Variants in GNA12 observed in about 807,000 individuals in gnomAD.
GNA12 encodes guanine nucleotide-binding protein subunit alpha-12.
A neutral mutation model predicts 26.0 loss-of-function variants in GNA12; 9 were observed. That is an observed-to-expected ratio of 0.35 (90% CI 0.21 to 0.60). The LOEUF (loss-of-function observed/expected upper bound fraction) is 0.60, where lower values mean the gene tolerates loss of function less well. Ranked by LOEUF, GNA12 falls within the 20% of genes least tolerant of loss-of-function variation. The pLI is 0.78. For missense variants in GNA12, 405 were observed against 525.8 expected (o/e 0.77, Z 2.25); for synonymous variants, 264 against 219.6 (o/e 1.20, Z -1.79).
intron 2 of GNA12, among the ~76,000 whole-genome samples, chr7:2,787,547 C>T (rs1356458623): frequency 6.6e-6 from 1 of 152,180 alleles, no homozygotes; most frequent in Non-Finnish European, 1.5e-5. Flanking sequence ...TCCCTTCCCC[C>T]AGGCACCCAC....
In GNA12 at chr7:2,794,473, G is replaced by A. The variant is rs1170264235; in HGVS notation, c.525+455C>T. 2.0e-5 allele frequency among the ~76,000 whole-genome samples: 3 copies of A among 152,230 alleles called. No homozygotes were observed. The East Asian group carries it at 5.8e-4, about 29-fold the overall frequency. The stretch of plus-strand genomic sequence containing the variant: ...ATAACTGGGCTTTGTGAAGTTTTTA[G>A]ACCTTAAAACGAAAGGAACAAATCT... On this transcript the variant is annotated intron_variant, in intron 2 of 3. Coordinates refer to ENST00000275364, the MANE Select transcript of GNA12 (RefSeq NM_007353.3).
intron 2 of GNA12, among the ~76,000 whole-genome samples, chr7:2,786,266 C>T (rs942502014): frequency 1.5e-4 from 23 of 152,190 alleles, no homozygotes; most frequent in African/African-American, 5.3e-4. Flanking sequence ...GTGACACACA[C>T]AAGGACTATC....
At chr7:2,787,785 C>G (rs1023167624) in intron 2 of GNA12, among the ~76,000 whole-genome samples, 17 of 152,206 alleles carry the variant, frequency 1.1e-4, no homozygotes, top group Admixed American at 6.5e-5. Context: ...CACGGCTATG[C>G]TAAACCACAA....
rs1482227569 is a variant in GNA12 at position 2,728,521 on chromosome 7, G to C, written c.*2660C>G. 6.6e-6 allele frequency: 1 copy of C among 152,294 alleles called. No homozygotes were observed. The allele number at this position is 152,294 out of a possible 1,614,324, so 9.4% of individuals were successfully genotyped here. On this transcript the variant is annotated 3_prime_UTR_variant, in exon 4 of 4. Coordinates refer to ENST00000275364, the MANE Select transcript of GNA12 (RefSeq NM_007353.3). ...TAGATTTCAGTAAAACCCTATATGC[G>C]TCTTATGTGTACACAGTATAGCTAT... is the stretch of plus-strand genomic sequence containing the variant.
At position 2,844,087 on chromosome 7, in the gene GNA12, C is replaced by T. The variant is rs1779094440; in HGVS notation, c.75G>A (p.Ala25=). 8.7e-6 allele frequency: 9 copies of T among 1,031,346 alleles called. No individual in the cohort carries two copies. Among genetic ancestry groups the T allele is most frequent in the Non-Finnish European group, 1.0e-5 (9 of 862,380 alleles). The allele number at this position is 1,031,346 out of a possible 1,614,324, so 63.9% of individuals were successfully genotyped here. A position where few individuals can be genotyped will look rare whatever the true frequency, so the allele number is the denominator to read the frequency against. ...GCTCCGCGTCGCGCGCGCCGCTGCC[C>T]GCCCTGCGCTCGCGGGCCCCGCCGG... ...AEAGGARERR[A]GSGARDAERE... Residue 25 remains alanine (A), a synonymous_variant, in exon 1 of 4, where the codon GCG becomes GCA. Transcript: ENST00000275364.
intron 2 of GNA12, among the ~76,000 whole-genome samples, chr7:2,751,287 G>C (rs552308411): frequency 3.3e-5 from 5 of 151,880 alleles, no homozygotes; most frequent in African/African-American, 1.2e-4. Flanking sequence ...TCAGCAGGGG[G>C]AGCTGAGGTG....
At chr7:2,761,402 G>C (rs1791548462) in intron 2 of GNA12, among the ~76,000 whole-genome samples, 1 of 152,226 alleles carries the variant, frequency 6.6e-6, no homozygotes, top group African/African-American at 2.4e-5. Flanking sequence ...GTGCCACACA[G>C]ACTCCCAAGG....
At chr7:2,833,013 C>A (rs904942067) in intron 1 of GNA12, among the ~76,000 whole-genome samples, 5 of 152,230 alleles carry the variant, frequency 3.3e-5, no homozygotes, top group Non-Finnish European at 7.3e-5. Context: ...CCTGGACACA[C>A]CTGAGCATTT....
intron 2 of GNA12, among the ~76,000 whole-genome samples, chr7:2,769,566 T>TA (rs773490852): frequency 2.3e-4 from 35 of 151,612 alleles, no homozygotes; most frequent in African/African-American, 7.7e-4. Context: ...CCGTCTCTAT[T>TA]AAAAAAAATA....
chr7:2,772,168 T>C (rs896960228), intron 2 of GNA12, among the ~76,000 whole-genome samples: 2 of 152,232 alleles, frequency 1.3e-5, no homozygotes, highest in African/African-American at 4.8e-5. Flanking sequence ...AGGACTCATA[T>C]CGAGAATTCC....
chr7:2,843,418 G>A (rs564752018), intron 1 of GNA12, among the ~76,000 whole-genome samples: 5 of 152,212 alleles, frequency 3.3e-5, no homozygotes, highest in Admixed American at 3.3e-4. Flanking sequence ...ACCAAGGCAG[G>A]AGGATCACTT....
intron 1 of GNA12, among the ~76,000 whole-genome samples, chr7:2,827,242 T>C (rs1340992120): frequency 1.3e-5 from 2 of 151,944 alleles, no homozygotes; most frequent in East Asian, 3.9e-4. Flanking sequence ...AAGGAGGGAA[T>C]GGGGAGTCAC....
intron 1 of GNA12, among the ~76,000 whole-genome samples, chr7:2,823,530 T>C (rs1170873675): frequency 6.6e-6 from 1 of 152,140 alleles, no homozygotes; most frequent in Non-Finnish European, 1.5e-5. Context: ...CCTCTGCAGA[T>C]TTAGAAAAAT....
intron 2 of GNA12, among the ~76,000 whole-genome samples, chr7:2,780,069 T>C (rs1338363733): frequency 7.8e-6 from 1 of 127,512 alleles, no homozygotes; most frequent in Non-Finnish European, 1.7e-5. Flanking sequence ...TATATATATA[T>C]ATATATATAT....
chr7:2,787,182 T>C (rs1056241092), intron 2 of GNA12, among the ~76,000 whole-genome samples: 3 of 152,080 alleles, frequency 2.0e-5, no homozygotes, highest in African/African-American at 7.2e-5. Flanking sequence ...ATAGGCGAGG[T>C]GGCCTGTGAA....
chr7:2,833,738 A>G (rs1778748291), intron 1 of GNA12, among the ~76,000 whole-genome samples: 1 of 140,476 alleles, frequency 7.1e-6, no homozygotes, highest in Admixed American at 7.3e-5. Context: ...TAAAAACCAA[A>G]CTGTGCTTCC....
At chr7:2,830,602 G>A (rs747949655) in intron 1 of GNA12, among the ~76,000 whole-genome samples, 1 of 152,172 alleles carries the variant, frequency 6.6e-6, no homozygotes, top group African/African-American at 2.4e-5. Context: ...CTCCTTCCCC[G>A]AGCAAAGGGG....
intron 3 of GNA12, among the ~76,000 whole-genome samples, chr7:2,732,479 G>C (rs1350846901): frequency 6.6e-6 from 1 of 152,198 alleles, no homozygotes; most frequent in Non-Finnish European, 1.5e-5. Flanking sequence ...CTAGGAGGTT[G>C]AGGCTACAAT....
At position 2,843,764 on chromosome 7, in the gene GNA12, C is replaced by T. The variant is rs947442809; in HGVS notation, c.309+89G>A. ...GCATCCTCGCCCCAGGGGTCCCCGC[C>T]CGCGGCGGCGGACCACGGAGGGGCC... On this transcript the variant is annotated intron_variant, in intron 1 of 3. Coordinates refer to ENST00000275364, the MANE Select transcript of GNA12 (RefSeq NM_007353.3). 16 of 611,596 alleles carry T rather than the reference C, an allele frequency of 2.6e-5. No homozygotes were observed. In the African/African-American group the frequency reaches 3.2e-4, roughly 12 times the overall value. 37.9% of individuals were successfully genotyped at this position (611,596 alleles called of 1,614,324 possible). A position where few individuals can be genotyped will look rare whatever the true frequency, so the allele number is the denominator to read the frequency against.
Sources: allele counts gnomAD v4.1 joint callset (sites outside exome capture counted in the v4.1 genomes callset), GRCh38; gene constraint gnomAD v4.1.1; transcripts MANE v1.5; gene names NCBI Gene and HGNC (gene_info 2026-07-23, HGNC 2026-07-21).